The following PCDH15 variants were observed in gnomAD, a reference collection of about 807,000 sequenced individuals.
The protein encoded by PCDH15 is protocadherin-15.
PCDH15 carries 129 observed loss-of-function variants against 178.5 expected under a neutral mutation model. The observed-to-expected ratio is 0.72, with a 90% CI of 0.63 to 0.84. PCDH15 has a LOEUF of 0.84. PCDH15 is among the 40% of genes least tolerant of loss of function. PCDH15 has a pLI of 0.00. For missense variants in PCDH15, 2,230 were observed against 2,099.9 expected (o/e 1.06, Z -1.21); for synonymous variants, 800 against 732.0 (o/e 1.09, Z -1.50).
chr10:55,419,775 T>C (rs573295539), intron 2 of PCDH15, among the ~76,000 whole-genome samples: 4 of 151,712 alleles, frequency 2.6e-5, no homozygotes, highest in Admixed American at 6.6e-5. Context: ...GTGTTGGAGT[T>C]GACTACTTGG....
chr10:54,062,227 CAA>C (rs72361686), intron 18 of PCDH15, among the ~76,000 whole-genome samples: 49 of 53,846 alleles, frequency 9.1e-4, no homozygotes, highest in African/African-American at 4.2e-3. Flanking sequence ...GATTCTGTCT[CAA>C]AAAAAAAAAA....
intron 2 of PCDH15, among the ~76,000 whole-genome samples, chr10:54,613,883 A>G (rs2093046335): frequency 1.3e-5 from 2 of 151,802 alleles, no homozygotes; most frequent in East Asian, 1.9e-4. Flanking sequence ...ATGAGTTTTC[A>G]TGAGTATTTT....
At chr10:54,195,991 T>C in intron 10 of PCDH15, 102 bp from the exon 11 acceptor site, 1 of 989,598 alleles carries the variant, frequency 1.0e-6, no homozygotes, top group Non-Finnish European at 1.5e-6. Flanking sequence ...TTTTAACTAA[T>C]ATCATCACAT....
chr10:55,168,154 A>C (rs1839242639), intron 1 of PCDH15, among the ~76,000 whole-genome samples: 1 of 152,148 alleles, frequency 6.6e-6, no homozygotes, highest in Non-Finnish European at 1.5e-5. Flanking sequence ...AATATGTAAA[A>C]CATAGCAGCA....
intron 2 of PCDH15, among the ~76,000 whole-genome samples, chr10:55,531,274 A>G (rs1024737268): frequency 1.3e-5 from 2 of 151,974 alleles, no homozygotes; most frequent in Non-Finnish European, 2.9e-5. Context: ...GCAGTAAAAA[A>G]GTAGACTGAG....
intron 2 of PCDH15, among the ~76,000 whole-genome samples, chr10:54,534,766 C>T (rs563906158): frequency 5.9e-5 from 9 of 152,248 alleles, no homozygotes; most frequent in African/African-American, 1.9e-4. Flanking sequence ...ATGTCACAAG[C>T]AGCAGGAGAG....
At chr10:55,313,659 T>C (rs576427252) in intron 1 of PCDH15, among the ~76,000 whole-genome samples, 1 of 152,310 alleles carries the variant, frequency 6.6e-6, no homozygotes, top group South Asian at 2.1e-4. Flanking sequence ...ACATATTTCT[T>C]TAGGTTTTAT....
intron 2 of PCDH15, among the ~76,000 whole-genome samples, chr10:55,034,071 T>G (rs1216699946): frequency 8.8e-6 from 1 of 113,904 alleles, no homozygotes; most frequent in Non-Finnish European, 2.0e-5. Flanking sequence ...CCTTTAGAAC[T>G]CTGAGAAAAA....
chr10:55,458,931 T>C (rs1450753623), intron 2 of PCDH15, among the ~76,000 whole-genome samples: 1 of 151,988 alleles, frequency 6.6e-6, no homozygotes, highest in East Asian at 1.9e-4. Context: ...TATAAGAACA[T>C]GCAATAGAGA....
chr10:53,974,394 T>G (rs1176475203), intron 21 of PCDH15, among the ~76,000 whole-genome samples: 2 of 152,118 alleles, frequency 1.3e-5, no homozygotes, highest in African/African-American at 4.8e-5. Context: ...CTTTAAAGAT[T>G]AGTATCATAC....
At chr10:55,222,514 T>C (rs1591999858) in intron 1 of PCDH15, among the ~76,000 whole-genome samples, 1 of 151,990 alleles carries the variant, frequency 6.6e-6, no homozygotes, top group Admixed American at 6.6e-5. Flanking sequence ...TTATTAACGT[T>C]GTAAAATGGT....
intron 3 of PCDH15, among the ~76,000 whole-genome samples, chr10:54,447,437 T>C (rs561066911): frequency 1.8e-4 from 28 of 151,814 alleles, no homozygotes; most frequent in African/African-American, 6.5e-4. Context: ...TCTCTGTTTC[T>C]ATGAGTTTTA....
chr10:54,875,648 G>A (rs1954126741), intron 3 of PCDH15, among the ~76,000 whole-genome samples: 1 of 152,152 alleles, frequency 6.6e-6, no homozygotes, highest in East Asian at 1.9e-4. Flanking sequence ...GAAAGATCTG[G>A]ATGGAAGATC....
At chr10:55,380,965 C>G (rs1007766551) in intron 2 of PCDH15, among the ~76,000 whole-genome samples, 1 of 152,098 alleles carries the variant, frequency 6.6e-6, no homozygotes, top group Admixed American at 6.6e-5. Flanking sequence ...TATAAAGAGC[C>G]TCTTTGGGAT....
At chr10:54,555,876 T>C (rs2087194584) in intron 2 of PCDH15, among the ~76,000 whole-genome samples, 1 of 152,146 alleles carries the variant, frequency 6.6e-6, no homozygotes, top group South Asian at 2.1e-4. Flanking sequence ...ATTGAAGATC[T>C]ACTGATATTG....
intron 3 of PCDH15, among the ~76,000 whole-genome samples, chr10:54,419,167 CA>C (rs1270281439): frequency 6.6e-6 from 1 of 151,652 alleles, no homozygotes; most frequent in African/African-American, 2.4e-5. Flanking sequence ...AAACATTTGG[CA>C]AAAATCTATA....
At chr10:54,786,072 A>C (rs1428474051) in intron 1 of PCDH15, among the ~76,000 whole-genome samples, 4 of 152,006 alleles carry the variant, frequency 2.6e-5, no homozygotes, top group Non-Finnish European at 5.9e-5. Flanking sequence ...AGGTAAAGTA[A>C]TATAAGAAAT....
chr10:54,343,265 C>G (rs968725848), intron 6 of PCDH15, among the ~76,000 whole-genome samples: 1 of 151,936 alleles, frequency 6.6e-6, no homozygotes, highest in Non-Finnish European at 1.5e-5. Flanking sequence ...GGGCAGTTTT[C>G]CCCCTGCTGT....
intron 2 of PCDH15, among the ~76,000 whole-genome samples, chr10:55,540,139 A>G (rs1320149777): frequency 1.3e-5 from 2 of 152,020 alleles, no homozygotes; most frequent in African/African-American, 4.8e-5. Context: ...GCCTTAATCT[A>G]TTTTTTCAAG....
Sources: gnomAD v4.1 joint callset for allele counts (sites outside exome capture counted in the v4.1 genomes callset) on GRCh38, gnomAD v4.1.1 for gene constraint, MANE v1.5 for transcripts, NCBI Gene and HGNC (gene_info 2026-07-23, HGNC 2026-07-21) for gene names.